PIP5K1B: variants seen among roughly 807,000 people sequenced by gnomAD.
PIP5K1B encodes the protein phosphatidylinositol-4-phosphate 5-kinase type 1 beta.
PIP5K1B carries 42 observed loss-of-function variants against 67.0 expected under a neutral mutation model. The observed-to-expected ratio is 0.63, with a 90% CI of 0.49 to 0.81. The LOEUF (loss-of-function observed/expected upper bound fraction) is 0.81. PIP5K1B is among the 30% of genes least tolerant of loss of function. PIP5K1B has a pLI of 0.00. For missense variants in PIP5K1B, 459 were observed against 646.3 expected (o/e 0.71, Z 3.14); for synonymous variants, 214 against 231.4 (o/e 0.92, Z 0.68).
In PIP5K1B at chr9:68,888,485, T is replaced by G. The variant is rs192601952; in HGVS notation, c.319-496T>G. On this transcript the variant is annotated intron_variant, in intron 6 of 15. Transcript: ENST00000265382. ...TATTAAAGTGTTAGATGAACAGGTCTTGAGCCCTAGCGAAAGATCTGGGCT... is the reference window on the plus strand; with the variant it reads ...TATTAAAGTGTTAGATGAACAGGTCGTGAGCCCTAGCGAAAGATCTGGGCT... Among the ~76,000 whole-genome samples, 273 of 152,384 alleles carry G rather than the reference T, an allele frequency of 1.8e-3. 5 individuals are homozygous for G. Among genetic ancestry groups the G allele is most frequent in the Admixed American group, 0.012 (191 of 15,310 alleles).
At chr9:68,735,521 T>C (rs28704681) in intron 1 of PIP5K1B, among the ~76,000 whole-genome samples, 22,602 of 151,928 alleles carry the variant, frequency 0.15, 1,746 homozygotes, top group African/African-American at 0.17. Flanking sequence ...CCCAAGTAGC[T>C]GGGATTACAG....
rs558810934 is a variant in PIP5K1B, at chr9:68,735,316, C to CTTTTTTTTTTTTTTTTTTTT, written c.-242-7176_-242-7157dup. Among the ~76,000 whole-genome samples the CTTTTTTTTTTTTTTTTTTTT allele has an allele frequency of 9.5e-3, 284 of 29,814 alleles. 60 individuals are homozygous for CTTTTTTTTTTTTTTTTTTTT. The highest frequency in any genetic ancestry group is 0.011 in the Non-Finnish European group (178 of 16,460). The allele number at this position is 29,814 out of a possible 152,430, so 19.6% of individuals were successfully genotyped here. A position where few individuals can be genotyped will look rare whatever the true frequency, so the allele number is the denominator to read the frequency against. On this transcript the variant is annotated intron_variant, in intron 1 of 15. Coordinates refer to ENST00000265382, the MANE Select transcript of PIP5K1B (RefSeq NM_003558.4). The stretch of plus-strand genomic sequence containing the variant: ...CAGATTTGCTGTTTTCCCCTAGTGT[C>CTTTTTTTTTTTTTTTTTTTT]TTTTTTTTTTTTTTTTTTTTTTTTT...
At position 68,894,610 on chromosome 9, in the gene PIP5K1B, T is replaced by A; in HGVS notation, c.743T>A (p.Leu248His). ...TTTGATACGGAAACATACAACGCGC[T>A]TATGAAAACACTTCAGAGAGACTGC... is the stretch of plus-strand genomic sequence containing the variant. ...LYFDTETYNA[L>H]MKTLQRDCRV... The change falls in exon 8 of 16, where the codon CTT becomes CAT. Residue 248 changes from leucine (L) to histidine (H), a missense_variant. By Grantham distance (99) the Leu-to-His change is moderately conservative. Coordinates refer to ENST00000265382, the MANE Select transcript of PIP5K1B (RefSeq NM_003558.4). 1 of 1,614,122 alleles carries A rather than the reference T, an allele frequency of 6.2e-7. No homozygotes were observed. Among genetic ancestry groups the A allele is most frequent in the Non-Finnish European group, 8.5e-7 (1 of 1,179,950 alleles).
chr9:69,007,687 C>A (rs894013738), intron 15 of PIP5K1B, among the ~76,000 whole-genome samples: 4 of 151,820 alleles, frequency 2.6e-5, no homozygotes, highest in Admixed American at 2.0e-4. Flanking sequence ...GAAACCCCAT[C>A]TCTACTAAAA....
intron 2 of PIP5K1B, among the ~76,000 whole-genome samples, chr9:68,768,066 T>C (rs576101411): frequency 7.2e-5 from 11 of 152,308 alleles, no homozygotes; most frequent in Admixed American, 1.3e-4. Flanking sequence ...TTATAAACTG[T>C]ACACGGAAAG....
chr9:68,710,006 G>A (rs1422017815), intron 1 of PIP5K1B, among the ~76,000 whole-genome samples: 1 of 152,210 alleles, frequency 6.6e-6, no homozygotes, highest in African/African-American at 2.4e-5. Context: ...TTGTCATGCA[G>A]CTGGTAAAGT....
chr9:69,007,588 T>A (rs1241459317), intron 15 of PIP5K1B, among the ~76,000 whole-genome samples: 1 of 152,194 alleles, frequency 6.6e-6, no homozygotes, highest in Non-Finnish European at 1.5e-5. Context: ...CCGGGTGAGG[T>A]GGCTCACGCC....
chr9:68,864,916 C>T (rs1823282094), intron 5 of PIP5K1B, among the ~76,000 whole-genome samples: 1 of 151,366 alleles, frequency 6.6e-6, no homozygotes, highest in African/African-American at 2.4e-5. Context: ...CTAGTGTCCT[C>T]ATCACCTTAT....
chr9:68,719,129 T>A (rs1015452113), intron 1 of PIP5K1B, among the ~76,000 whole-genome samples: 1 of 152,198 alleles, frequency 6.6e-6, no homozygotes, highest in African/African-American at 2.4e-5. Context: ...TTTGGGTTGT[T>A]CAGATAAAGT....
chr9:68,901,970 A>G (rs927002085), intron 8 of PIP5K1B, among the ~76,000 whole-genome samples: 1 of 152,236 alleles, frequency 6.6e-6, no homozygotes, highest in Non-Finnish European at 1.5e-5. Context: ...CGTTGGAAGC[A>G]ATAACACAGA....
At chr9:68,721,152 C>T (rs1827863801) in intron 1 of PIP5K1B, among the ~76,000 whole-genome samples, 1 of 152,142 alleles carries the variant, frequency 6.6e-6, no homozygotes, top group South Asian at 2.1e-4. Flanking sequence ...GGAGTTTGAA[C>T]ATTTCTTCTA....
chr9:68,732,077 G>A (rs1469977164), intron 1 of PIP5K1B, among the ~76,000 whole-genome samples: 2 of 152,184 alleles, frequency 1.3e-5, no homozygotes, highest in African/African-American at 2.4e-5. Flanking sequence ...AACTAGTCAC[G>A]AGCTAGATTT....
At chr9:68,850,769 T>C (rs180841858) in intron 4 of PIP5K1B, among the ~76,000 whole-genome samples, 10 of 152,344 alleles carry the variant, frequency 6.6e-5, no homozygotes, top group Admixed American at 6.5e-4. Flanking sequence ...ATCTATTGAA[T>C]CTAAATTGAT....
intron 5 of PIP5K1B, among the ~76,000 whole-genome samples, chr9:68,870,495 GTCTC>G (rs759724962): frequency 6.6e-6 from 1 of 151,952 alleles, no homozygotes; most frequent in South Asian, 2.1e-4. Flanking sequence ...ACCAATTTCT[GTCTC>G]TCTCTCTCTA....
intron 2 of PIP5K1B, among the ~76,000 whole-genome samples, chr9:68,766,159 A>G (rs1185484471): frequency 6.6e-6 from 1 of 152,166 alleles, no homozygotes; most frequent in East Asian, 1.9e-4. Flanking sequence ...AATATGGTTA[A>G]AAAAGAATGT....
At chr9:68,804,731 A>ACTTC (rs1832776451) in intron 2 of PIP5K1B, among the ~76,000 whole-genome samples, 1 of 152,002 alleles carries the variant, frequency 6.6e-6, no homozygotes, top group African/African-American at 2.4e-5. Context: ...CACTGGAACT[A>ACTTC]CAGGTGTGCA....
At chr9:68,884,534 C>T (rs571324971) in intron 6 of PIP5K1B, among the ~76,000 whole-genome samples, 12 of 151,724 alleles carry the variant, frequency 7.9e-5, no homozygotes, top group African/African-American at 2.7e-4. Context: ...CATGGTGGCA[C>T]GTTCCTGTGG....
At chr9:68,882,034 G>A (rs1313978225) in intron 6 of PIP5K1B, among the ~76,000 whole-genome samples, 1 of 152,216 alleles carries the variant, frequency 6.6e-6, no homozygotes, top group Non-Finnish European at 1.5e-5. Context: ...GGGCCCAGCT[G>A]GGTTGTGCTC....
At chr9:68,928,680 T>C (rs923713509) in intron 12 of PIP5K1B, among the ~76,000 whole-genome samples, 11 of 152,336 alleles carry the variant, frequency 7.2e-5, no homozygotes, top group African/African-American at 2.4e-4. Flanking sequence ...TCACTTTTGT[T>C]TATTGCGTAG....
Sources: gnomAD v4.1 joint callset for allele counts (sites outside exome capture counted in the v4.1 genomes callset) on GRCh38, gnomAD v4.1.1 for gene constraint, MANE v1.5 for transcripts, NCBI Gene and HGNC (gene_info 2026-07-23, HGNC 2026-07-21) for gene names.